The following PLPPR1 variants were observed in gnomAD, a reference collection of about 807,000 sequenced individuals.
The protein encoded by PLPPR1 is phospholipid phosphatase-related protein type 1.
A neutral mutation model predicts 33.1 loss-of-function variants in PLPPR1; 10 were observed. The ratio of observed to expected loss-of-function variants is 0.30; its 90% confidence interval spans 0.19 to 0.51. The LOEUF is 0.51. Among genes scored for constraint, PLPPR1 ranks in the 20% least tolerant of loss-of-function variants. PLPPR1 has a pLI of 0.97. For missense variants in PLPPR1, 304 were observed against 408.1 expected (o/e 0.74, Z 2.20); for synonymous variants, 151 against 151.0 (o/e 1.00, Z 0.00).
At chr9:101,261,996 A>G (rs2118881648) in intron 2 of PLPPR1, among the ~76,000 whole-genome samples, 1 of 152,274 alleles carries the variant, frequency 6.6e-6, no homozygotes, top group East Asian at 1.9e-4. Flanking sequence ...TAAAAAAAAA[A>G]AGATATAGCT....
intron 6 of PLPPR1, among the ~76,000 whole-genome samples, chr9:101,315,778 A>G (rs1829040178): frequency 6.6e-6 from 1 of 152,226 alleles, no homozygotes; most frequent in Admixed American, 6.5e-5. Context: ...AGGAGCCTGG[A>G]GGCATTCCAA....
intron 1 of PLPPR1, among the ~76,000 whole-genome samples, chr9:101,159,064 C>A (rs1343472478): frequency 6.6e-6 from 1 of 152,106 alleles, no homozygotes; most frequent in Non-Finnish European, 1.5e-5. Flanking sequence ...AAAAACCTAC[C>A]CCCATCTTAC....
At chr9:101,288,033 C>T (rs1274015034) in intron 4 of PLPPR1, among the ~76,000 whole-genome samples, 1 of 152,022 alleles carries the variant, frequency 6.6e-6, no homozygotes, top group Non-Finnish European at 1.5e-5. Flanking sequence ...CAGTTATTTC[C>T]CTTGGCAAAG....
chr9:101,220,169 C>A (rs1340590251), intron 2 of PLPPR1, among the ~76,000 whole-genome samples: 6 of 152,134 alleles, frequency 3.9e-5, no homozygotes, highest in Admixed American at 3.9e-4. Context: ...GTTGTAACAA[C>A]CCAAAATGTC....
intron 2 of PLPPR1, among the ~76,000 whole-genome samples, chr9:101,199,082 A>G (rs1826448377): frequency 6.6e-6 from 1 of 152,230 alleles, no homozygotes; most frequent in African/African-American, 2.4e-5. Flanking sequence ...TATACAATAG[A>G]TACCATATTC....
intron 2 of PLPPR1, among the ~76,000 whole-genome samples, chr9:101,201,842 G>A (rs150568582): frequency 2.3e-4 from 35 of 152,238 alleles, no homozygotes; most frequent in Non-Finnish European, 3.8e-4. Context: ...TGTGGTGAAC[G>A]TCTGTGACCT....
At chr9:101,053,239 A>G (rs571297434) in intron 1 of PLPPR1, among the ~76,000 whole-genome samples, 1 of 152,286 alleles carries the variant, frequency 6.6e-6, no homozygotes, top group Admixed American at 6.5e-5. Context: ...CCTGAAAACC[A>G]GGTCTCCTCC....
At chr9:101,272,084 A>G (rs1033416150) in intron 3 of PLPPR1, among the ~76,000 whole-genome samples, 2 of 152,200 alleles carry the variant, frequency 1.3e-5, no homozygotes, top group Admixed American at 1.3e-4. Flanking sequence ...TTTAAGTTGT[A>G]TATACAATTC....
chr9:101,238,293 CTATATATA>C (rs1307945596), intron 2 of PLPPR1, among the ~76,000 whole-genome samples: 1 of 130,350 alleles, frequency 7.7e-6, no homozygotes, highest in Non-Finnish European at 1.6e-5. Flanking sequence ...TATACATACC[CTATATATA>C]TATAGGGTAT....
At chr9:101,208,472 A>G (rs1180942704) in intron 2 of PLPPR1, among the ~76,000 whole-genome samples, 3 of 152,060 alleles carry the variant, frequency 2.0e-5, no homozygotes, top group African/African-American at 7.2e-5. Flanking sequence ...CTCTGTAAAC[A>G]CTCTTACCTC....
intron 1 of PLPPR1, among the ~76,000 whole-genome samples, chr9:101,040,878 C>T (rs1173145134): frequency 6.6e-6 from 1 of 152,010 alleles, no homozygotes; most frequent in Non-Finnish European, 1.5e-5. Context: ...ACCTGTCACA[C>T]TCTATAAATT....
At chr9:101,247,095 G>C (rs1365930996) in intron 2 of PLPPR1, among the ~76,000 whole-genome samples, 1 of 151,956 alleles carries the variant, frequency 6.6e-6, no homozygotes, top group Non-Finnish European at 1.5e-5. Context: ...TCTCATAGAA[G>C]AATTGAGGCC....
At chr9:101,315,834 G>A (rs952556672) in intron 6 of PLPPR1, among the ~76,000 whole-genome samples, 1 of 152,156 alleles carries the variant, frequency 6.6e-6, no homozygotes, top group African/African-American at 2.4e-5. Flanking sequence ...CAAACACTGA[G>A]AATGGCAGGA....
chr9:101,282,073 T>C (rs1828313817), intron 3 of PLPPR1, among the ~76,000 whole-genome samples: 1 of 152,188 alleles, frequency 6.6e-6, no homozygotes, highest in Admixed American at 6.5e-5. Flanking sequence ...AAATTCATTT[T>C]ACAAGGTCAG....
At chr9:101,102,152 TTTA>T (rs1174640852) in intron 1 of PLPPR1, among the ~76,000 whole-genome samples, 3,440 of 136,148 alleles carry the variant, frequency 0.025, 156 homozygotes, top group South Asian at 0.12. Context: ...TTTTTTTTAT[TTTA>T]TTATTATACT....
intron 2 of PLPPR1, among the ~76,000 whole-genome samples, chr9:101,239,473 A>G (rs1388441781): frequency 6.6e-6 from 1 of 152,016 alleles, no homozygotes; most frequent in Non-Finnish European, 1.5e-5. Flanking sequence ...CAATATATCC[A>G]GGTAACAAAC....
chr9:101,169,663 T>TA (rs33935662), intron 1 of PLPPR1, among the ~76,000 whole-genome samples: 21 of 149,638 alleles, frequency 1.4e-4, no homozygotes, highest in Admixed American at 4.1e-4. Flanking sequence ...CTCAGACTTT[T>TA]AAAAAAAAAT....
intron 5 of PLPPR1, 47 bp from the exon 6 acceptor site, chr9:101,312,751 G>A (rs1016188041): frequency 1.9e-6 from 3 of 1,552,402 alleles, no homozygotes; most frequent in East Asian, 4.5e-5. Context: ...TGTACTCATA[G>A]CACAAGGCAG....
intron 3 of PLPPR1, among the ~76,000 whole-genome samples, chr9:101,277,852 A>G (rs1414945594): frequency 1.3e-5 from 2 of 152,156 alleles, no homozygotes; most frequent in Non-Finnish European, 2.9e-5. Context: ...AACATAGGAC[A>G]TATATATATG....
Sources: gnomAD v4.1 joint callset for allele counts (sites outside exome capture counted in the v4.1 genomes callset) on GRCh38, gnomAD v4.1.1 for gene constraint, MANE v1.5 for transcripts, NCBI Gene and HGNC (gene_info 2026-07-23, HGNC 2026-07-21) for gene names.